Variants in FANCI observed in about 807,000 individuals in gnomAD.
The protein encoded by FANCI is FA complementation group I.
Under a neutral mutation model 176.1 loss-of-function variants are expected in FANCI, and 156 were observed. The observed-to-expected ratio is 0.89, with a 90% CI of 0.78 to 1.01. The LOEUF is 1.01. Ranked by LOEUF, FANCI falls within the 50% of genes least tolerant of loss-of-function variation. FANCI has a pLI of 0.00. For synonymous variants in FANCI, 613 were observed against 541.7 expected, an observed-to-expected ratio of 1.13 and a Z score of -1.83; for missense variants, 1,678 against 1,534.1, an observed-to-expected ratio of 1.09 and a Z score of -1.57.
chr15:89,278,728 C>G lies in FANCI; in HGVS notation c.1335C>G (p.Leu445=). Residue 445 remains leucine, a synonymous_variant, in exon 14 of 38, where the codon CTC becomes CTG. Coordinates refer to ENST00000310775, the MANE Select transcript of FANCI (RefSeq NM_001113378.2). ...GACAAGAAATTTTGGAGCAGGTCCT[C>G]AACAGGGTTGTTACCAGAGCATCTT... ...MIRQEILEQV[L]NRVVTRASSP... is the part of the protein sequence containing the mutation. 6 of 1,614,024 alleles carry G rather than the reference C, an allele frequency of 3.7e-6. No individual in the cohort carries two copies. The highest frequency in any genetic ancestry group is 5.1e-6 in the Non-Finnish European group (6 of 1,179,934).
chr15:89,305,849 CAT>C, intron 31 of FANCI, 151 bp downstream of exon 31: 1 of 1,092,956 alleles, frequency 9.1e-7, no homozygotes, highest in East Asian at 2.5e-5. Context: ...AGTAGAAGAT[CAT>C]ATGTCTTATC....
intron 23 of FANCI, among the ~76,000 whole-genome samples, chr15:89,294,367 C>T (rs2054175207): frequency 6.6e-6 from 1 of 151,954 alleles, no homozygotes; most frequent in Non-Finnish European, 1.5e-5. Flanking sequence ...GGTGGATCAC[C>T]TGAGGTCAAA....
intron 12 of FANCI, among the ~76,000 whole-genome samples, chr15:89,276,101 A>C (rs908212308): frequency 5.9e-5 from 9 of 152,232 alleles, no homozygotes; most frequent in Admixed American, 1.3e-4. Flanking sequence ...GATATAATGG[A>C]TAAAGGTTAT....
Position 89,314,520 on chromosome 15 carries a change from T to G in FANCI, c.3721-92T>G. 3.2e-6 allele frequency: 3 copies of G among 950,544 alleles called. No individual in the cohort carries two copies. In the South Asian group the frequency reaches 4.0e-5, roughly 13 times the overall value. The allele number at this position is 950,544 out of a possible 1,614,324, so 58.9% of individuals were successfully genotyped here. On this transcript the variant is annotated intron_variant, in intron 35 of 37. Coordinates refer to ENST00000310775, the MANE Select transcript of FANCI (RefSeq NM_001113378.2). ...ATTGGGAGACAGACTAGTTTTCCCC[T>G]AAAGCCATACAGTTTTGTAAGTGAC...
rs3743377 is a variant in FANCI at position 89,276,777 on chromosome 15, T to C, written c.1179T>C (p.Tyr393=). 4,663 of 1,614,208 alleles carry C rather than the reference T, an allele frequency of 2.9e-3. 91 individuals carry two copies. In the East Asian group the frequency reaches 0.058, roughly 20 times the overall value. The part of the protein sequence containing the change: ...VELGFILMDS[Y]GPKKVLDGKT... Reference sequence around the variant, plus strand: ...TTGGTTTCATTTTGATGGATTCATATGGGCCAAAGAAGGTTCTTGATGGAA... The same window carrying C: ...TTGGTTTCATTTTGATGGATTCATACGGGCCAAAGAAGGTTCTTGATGGAA... The change falls in exon 13 of 38, where the codon TAT becomes TAC. Residue 393 remains tyrosine, a synonymous_variant. Transcript: ENST00000310775.
intron 27 of FANCI, among the ~76,000 whole-genome samples, chr15:89,303,463 T>A (rs1016986778): frequency 6.6e-6 from 1 of 152,228 alleles, no homozygotes; most frequent in African/African-American, 2.4e-5. Flanking sequence ...TTCTAAATGC[T>A]AATTCTACTG....
chr15:89,305,253 G>T lies in FANCI; in HGVS notation c.3186+11G>T. 1 of 1,614,204 alleles carries T rather than the reference G, an allele frequency of 6.2e-7. No homozygotes were observed. The highest frequency in any genetic ancestry group is 8.5e-7 in the Non-Finnish European group (1 of 1,180,036). ...GGAGATATAGACCAGGTACTATAAT[G>T]AGCCTTCAGTACAATACCCTGTGTG... On this transcript the variant is annotated intron_variant, in intron 29 of 37. Transcript: ENST00000310775.
At chr15:89,315,454 G>A (rs2055193093) in intron 37 of FANCI, 65 bp downstream of exon 37, 3 of 1,125,478 alleles carry the variant, frequency 2.7e-6, no homozygotes, top group African/African-American at 1.5e-5. Context: ...CTATCTGGGA[G>A]CAGTCACAGA....
chr15:89,284,993 TG>T, intron 17 of FANCI, 102 bp from the exon 18 acceptor site: 2 of 1,408,464 alleles, frequency 1.4e-6, no homozygotes, highest in Non-Finnish European at 1.0e-6. Context: ...GTTTGGCATG[TG>T]GAGGAAGCTA....
At chr15:89,284,947 C>A in intron 17 of FANCI, 149 bp from the exon 18 acceptor site, 1 of 828,112 alleles carries the variant, frequency 1.2e-6, no homozygotes, top group Non-Finnish European at 2.1e-6. Flanking sequence ...CTTACTACTG[C>A]ATGGTAATGA....
intron 34 of FANCI, 128 bp from the exon 35 acceptor site, chr15:89,312,776 G>A (rs1315745118): frequency 1.3e-5 from 9 of 711,474 alleles, no homozygotes; most frequent in South Asian, 6.7e-5. Flanking sequence ...TCGACATCAC[G>A]CCACTGCACA....
chr15:89,285,059 G>GGTA, intron 17 of FANCI, 37 bp from the exon 18 acceptor site: 1 of 1,613,344 alleles, frequency 6.2e-7, no homozygotes, highest in Non-Finnish European at 8.5e-7. Flanking sequence ...AAACAGCTTT[G>GGTA]GTAAGATAGA....
chr15:89,251,830 C>T lies in FANCI; in HGVS notation c.84+4099C>T, dbSNP rs1331634455. Among the ~76,000 whole-genome samples, 5 of 152,258 alleles carry T rather than the reference C, an allele frequency of 3.3e-5. No homozygotes were observed. In the East Asian group the frequency reaches 5.8e-4, roughly 18 times the overall value. On this transcript the variant is annotated intron_variant, in intron 2 of 37. Coordinates refer to ENST00000310775, the MANE Select transcript of FANCI (RefSeq NM_001113378.2). ...TCAGAATGGGTGGCTGTTTCCTTTACATCATAAAATGTATATATCTAAATT... is the reference window on the plus strand; with the variant it reads ...TCAGAATGGGTGGCTGTTTCCTTTATATCATAAAATGTATATATCTAAATT...
intron 24 of FANCI, among the ~76,000 whole-genome samples, chr15:89,295,842 C>G (rs187980214): frequency 1.3e-5 from 2 of 150,234 alleles, no homozygotes; most frequent in Non-Finnish European, 2.9e-5. Flanking sequence ...GGTGCAATCT[C>G]GGCTCACTAC....
intron 35 of FANCI, among the ~76,000 whole-genome samples, chr15:89,313,661 G>A (rs1196785203): frequency 6.6e-6 from 1 of 152,144 alleles, no homozygotes; most frequent in Non-Finnish European, 1.5e-5. Flanking sequence ...CCATTCTGAT[G>A]TAGCAGTTTC....
At chr15:89,287,148 A>G (rs2053851657) in intron 18 of FANCI, among the ~76,000 whole-genome samples, 1 of 151,830 alleles carries the variant, frequency 6.6e-6, no homozygotes, top group Non-Finnish European at 1.5e-5. Flanking sequence ...TAATTTTTGT[A>G]TTTTTAGTAG....
intron 2 of FANCI, among the ~76,000 whole-genome samples, chr15:89,248,523 A>AT (rs34367790): frequency 0.3 from 46,039 of 151,236 alleles, 8,442 homozygotes; most frequent in South Asian, 0.4. Flanking sequence ...TTGCTCTTTG[A>AT]TTTTTTTTTC....
intron 2 of FANCI, among the ~76,000 whole-genome samples, chr15:89,257,283 A>G (rs2151198456): frequency 6.6e-6 from 1 of 152,310 alleles, no homozygotes; most frequent in South Asian, 2.1e-4. Flanking sequence ...TCAAATATTT[A>G]TCTTAGATCT....
At chr15:89,247,845 G>C (rs28635206) in intron 2 of FANCI, 114 bp downstream of exon 2, 31 of 789,946 alleles carry the variant, frequency 3.9e-5, no homozygotes, top group Non-Finnish European at 6.7e-5. Flanking sequence ...CCCATTCACT[G>C]TAGGAGACAA....
Sources: allele counts gnomAD v4.1 joint callset (sites outside exome capture counted in the v4.1 genomes callset), GRCh38; gene constraint gnomAD v4.1.1; transcripts MANE v1.5; gene names NCBI Gene and HGNC (gene_info 2026-07-23, HGNC 2026-07-21).